PLXNA4: variants seen among roughly 807,000 people sequenced by gnomAD.
PLXNA4 encodes the protein plexin A4, also known as plexin-A4.
In PLXNA4, 44 loss-of-function variants were observed where a neutral mutation model predicts 191.8. That is an observed-to-expected ratio of 0.23 (90% CI 0.18 to 0.29). The LOEUF (loss-of-function observed/expected upper bound fraction) is 0.29, where lower values mean the gene tolerates loss of function less well. PLXNA4 is among the 10% of genes least tolerant of loss of function. PLXNA4 has a pLI of 1.00. For synonymous variants in PLXNA4, 1,082 were observed against 1,009.5 expected (o/e 1.07, Z -1.36); for missense variants, 1,800 against 2,488.8 (o/e 0.72, Z 5.89).
intron 3 of PLXNA4, among the ~76,000 whole-genome samples, chr7:132,475,316 C>G (rs1247620163): frequency 6.6e-6 from 1 of 152,172 alleles, no homozygotes; most frequent in Non-Finnish European, 1.5e-5. Flanking sequence ...CAAGCTGCCC[C>G]CCAGCTCCAA....
At chr7:132,241,875 T>C (rs575350539) in intron 4 of PLXNA4, among the ~76,000 whole-genome samples, 1 of 152,220 alleles carries the variant, frequency 6.6e-6, no homozygotes, top group African/African-American at 2.4e-5. Flanking sequence ...CAAAACTTTA[T>C]ATTAGCTTTC....
chr7:132,488,789 C>T (rs1197328558), intron 3 of PLXNA4, among the ~76,000 whole-genome samples: 3 of 152,198 alleles, frequency 2.0e-5, no homozygotes, highest in Admixed American at 1.3e-4. Flanking sequence ...CCATTGCACC[C>T]GTGGTTTTCT....
chr7:132,185,764 C>CATCTG (rs1277784593), intron 15 of PLXNA4, among the ~76,000 whole-genome samples: 11 of 152,226 alleles, frequency 7.2e-5, no homozygotes, highest in African/African-American at 2.7e-4. Context: ...CCATACTTGA[C>CATCTG]ATCTGATCAC....
intron 1 of PLXNA4, among the ~76,000 whole-genome samples, chr7:132,562,738 T>TCC (rs1801283972): frequency 1.5e-5 from 1 of 68,626 alleles, no homozygotes. Flanking sequence ...TCCTCCTCCT[T>TCC]CTCCTCCTCC....
At chr7:132,159,431 G>A in intron 25 of PLXNA4, 42 bp downstream of exon 25, 1 of 1,607,460 alleles carries the variant, frequency 6.2e-7, no homozygotes, top group Non-Finnish European at 8.5e-7. Flanking sequence ...GTGTGTTCAG[G>A]AGCAGCCACA....
At chr7:132,420,990 T>C (rs575954068) in intron 3 of PLXNA4, among the ~76,000 whole-genome samples, 1 of 152,364 alleles carries the variant, frequency 6.6e-6, no homozygotes, top group Admixed American at 6.5e-5. Context: ...CTCAGGTATG[T>C]CTTTATCAGC....
intron 3 of PLXNA4, among the ~76,000 whole-genome samples, chr7:132,360,396 A>G (rs764721406): frequency 2.0e-5 from 3 of 152,178 alleles, no homozygotes; most frequent in African/African-American, 4.8e-5. Flanking sequence ...GCCAGGTCCC[A>G]GGCATCATCT....
intron 1 of PLXNA4, among the ~76,000 whole-genome samples, chr7:132,571,416 A>G (rs1801974123): frequency 6.6e-6 from 1 of 152,202 alleles, no homozygotes; most frequent in Admixed American, 6.5e-5. Context: ...CTCTGCTGCA[A>G]CCACCATAGG....
intron 28 of PLXNA4, 63 bp downstream of exon 28, chr7:132,146,447 G>A (rs1795436674): frequency 2.5e-6 from 4 of 1,613,816 alleles, no homozygotes; most frequent in Non-Finnish European, 3.4e-6. Flanking sequence ...GCATTTCTGT[G>A]GGCTGATGAA....
intron 31 of PLXNA4, among the ~76,000 whole-genome samples, chr7:132,132,498 T>TCTGCTCTGC (rs1563048590): frequency 5.0e-5 from 2 of 39,748 alleles, no homozygotes; most frequent in African/African-American, 1.2e-4. Context: ...CTCTATTCTT[T>TCTGCTCTGC]TCTATTCTAT....
chr7:132,621,920 A>G (rs1803275810), intron 2 of PLXNA4, among the ~76,000 whole-genome samples: 1 of 152,152 alleles, frequency 6.6e-6, no homozygotes, highest in Non-Finnish European at 1.5e-5. Context: ...TAATTTTTCT[A>G]ACTCTATTTC....
At chr7:132,527,539 CAAAAAAAAA>C (rs34598256) in intron 1 of PLXNA4, among the ~76,000 whole-genome samples, 81 of 59,734 alleles carry the variant, frequency 1.4e-3, no homozygotes, top group East Asian at 0.013. Context: ...GAAACAGACT[CAAAAAAAAA>C]AAAAAAAAAA....
chr7:132,619,048 A>G (rs1206311843), intron 2 of PLXNA4, among the ~76,000 whole-genome samples: 3 of 152,236 alleles, frequency 2.0e-5, no homozygotes, highest in Non-Finnish European at 4.4e-5. Flanking sequence ...CCTGGTAACT[A>G]GACAAGTTGT....
chr7:132,359,444 T>C (rs1803846646), intron 3 of PLXNA4, among the ~76,000 whole-genome samples: 2 of 152,088 alleles, frequency 1.3e-5, no homozygotes, highest in South Asian at 2.1e-4. Context: ...CTCTAACTCC[T>C]GACCTCAAGT....
At chr7:132,485,449 T>TA (rs1438183603) in intron 3 of PLXNA4, among the ~76,000 whole-genome samples, 2 of 152,082 alleles carry the variant, frequency 1.3e-5, no homozygotes, top group Non-Finnish European at 2.9e-5. Context: ...ACAGCAGCCA[T>TA]AAAAATGATC....
chr7:132,223,148 A>G (rs751774419), intron 9 of PLXNA4, among the ~76,000 whole-genome samples: 2 of 152,160 alleles, frequency 1.3e-5, no homozygotes, highest in Non-Finnish European at 2.9e-5. Context: ...CTCCTCTGTG[A>G]ACAGTGCCCT....
At chr7:132,503,622 G>T (rs1259359630) in intron 2 of PLXNA4, among the ~76,000 whole-genome samples, 1 of 152,192 alleles carries the variant, frequency 6.6e-6, no homozygotes, top group Non-Finnish European at 1.5e-5. Flanking sequence ...CTGCAGACAG[G>T]GGGCCTCAGG....
intron 3 of PLXNA4, among the ~76,000 whole-genome samples, chr7:132,345,885 A>G (rs1411751428): frequency 6.6e-6 from 1 of 152,122 alleles, no homozygotes; most frequent in Non-Finnish European, 1.5e-5. Flanking sequence ...AGCCGTTCAC[A>G]TGACTCCCCC....
At chr7:132,238,728 C>A (rs1798783231) in intron 5 of PLXNA4, among the ~76,000 whole-genome samples, 1 of 152,034 alleles carries the variant, frequency 6.6e-6, no homozygotes, top group Admixed American at 6.5e-5. Flanking sequence ...GCCACTTAGA[C>A]AAAGGCTGGG....
Sources: allele counts gnomAD v4.1 joint callset (sites outside exome capture counted in the v4.1 genomes callset), GRCh38; gene constraint gnomAD v4.1.1; transcripts MANE v1.5; gene names NCBI Gene and HGNC (gene_info 2026-07-23, HGNC 2026-07-21).